FAM185A: variants seen among roughly 807,000 people sequenced by gnomAD.
The protein encoded by FAM185A is protein FAM185A.
FAM185A carries 21 observed loss-of-function variants against 45.7 expected under a neutral mutation model. The observed-to-expected ratio is 0.46, with a 90% confidence interval of 0.33 to 0.66. FAM185A has a LOEUF of 0.66. Among genes scored for constraint, FAM185A ranks in the 30% least tolerant of loss-of-function variants. FAM185A has a pLI of 0.03. For missense variants in FAM185A, 305 were observed against 485.4 expected (o/e 0.63, Z 3.49); for synonymous variants, 117 against 194.0 (o/e 0.60, Z 3.30).
chr7:102,826,334 T>A, the FAM185A span, among the ~76,000 whole-genome samples: 2 of 152,168 alleles, frequency 1.3e-5, no homozygotes, highest in African/African-American at 4.8e-5. Flanking sequence ...TCTAATGCAG[T>A]AAGAAATAAT....
the FAM185A span, chr7:102,833,098 C>A: frequency 7.1e-6 from 7 of 992,500 alleles, no homozygotes; most frequent in Middle Eastern, 6.0e-4. Context: ...TTGATGCCCC[C>A]AAAAAATAAT....
chr7:102,787,770 A>G (rs1265074428), intron 7 of FAM185A, among the ~76,000 whole-genome samples: 3 of 152,216 alleles, frequency 2.0e-5, no homozygotes, highest in Admixed American at 6.5e-5. Flanking sequence ...CTGAATACAT[A>G]TATTATAATG....
chr7:102,822,755 T>C, the FAM185A span, among the ~76,000 whole-genome samples: 1 of 152,226 alleles, frequency 6.6e-6, no homozygotes, highest in African/African-American at 2.4e-5. Flanking sequence ...CAGTAAAATA[T>C]CTGCCTCAAG....
At chr7:102,830,414 CTG>C in the FAM185A span, among the ~76,000 whole-genome samples, 1 of 152,210 alleles carries the variant, frequency 6.6e-6, no homozygotes, top group African/African-American at 2.4e-5. Flanking sequence ...GCAAGAATCT[CTG>C]TGAACTATCA....
At chr7:102,769,137 G>A (rs1794589886) in intron 4 of FAM185A, among the ~76,000 whole-genome samples, 1 of 152,038 alleles carries the variant, frequency 6.6e-6, no homozygotes, top group South Asian at 2.1e-4. Flanking sequence ...TTTATTTAGA[G>A]TTGACAAAAA....
At chr7:102,769,564 A>G (rs1208803731) in intron 4 of FAM185A, among the ~76,000 whole-genome samples, 1 of 150,992 alleles carries the variant, frequency 6.6e-6, no homozygotes, top group African/African-American at 2.4e-5. Context: ...ATAGTTCTTT[A>G]TTAATAAAGT....
chr7:102,780,594 G>A (rs1274044725), intron 6 of FAM185A, among the ~76,000 whole-genome samples: 1 of 152,174 alleles, frequency 6.6e-6, no homozygotes, highest in East Asian at 1.9e-4. Context: ...TTCTAGTTGT[G>A]TTATAATAAT....
chr7:102,834,039 A>AGGAG, the FAM185A span, among the ~76,000 whole-genome samples: 1 of 98,566 alleles, frequency 1.0e-5, no homozygotes, highest in Admixed American at 1.0e-4. Context: ...TGATGAAGGA[A>AGGAG]GGAAGGAAGG....
intron 7 of FAM185A, among the ~76,000 whole-genome samples, chr7:102,787,818 C>T (rs923076488): frequency 5.3e-5 from 8 of 152,138 alleles, no homozygotes; most frequent in African/African-American, 1.7e-4. Context: ...TGGAGTAAAT[C>T]GGAATTTTGT....
chr7:102,805,750 A>G (rs893525300), intron 7 of FAM185A, among the ~76,000 whole-genome samples: 1 of 152,186 alleles, frequency 6.6e-6, no homozygotes, highest in Non-Finnish European at 1.5e-5. Context: ...CAAAGTCATA[A>G]ATTGATACAT....
intron 6 of FAM185A, among the ~76,000 whole-genome samples, chr7:102,785,841 A>G (rs1248976171): frequency 6.6e-6 from 1 of 151,602 alleles, no homozygotes; most frequent in Non-Finnish European, 1.5e-5. Context: ...GGATCTAATT[A>G]AACTAAAGAG....
the FAM185A span, among the ~76,000 whole-genome samples, chr7:102,840,709 A>G: frequency 6.6e-6 from 1 of 152,200 alleles, no homozygotes; most frequent in African/African-American, 2.4e-5. Flanking sequence ...GATCTAATCA[A>G]GGGAGGCTAC....
chr7:102,834,098 G>GGA, the FAM185A span, among the ~76,000 whole-genome samples: 1,829 of 93,656 alleles, frequency 0.02, 70 homozygotes, highest in African/African-American at 0.053. Flanking sequence ...AAGAAAGAAA[G>GGA]AAAGAAAGAA....
intron 7 of FAM185A, among the ~76,000 whole-genome samples, chr7:102,800,229 T>C (rs907121362): frequency 2.0e-5 from 3 of 152,168 alleles, no homozygotes; most frequent in African/African-American, 4.8e-5. Flanking sequence ...GAACACCCCA[T>C]GGGACAAAAT....
At chr7:102,765,473 AT>A (rs2129434956) in intron 4 of FAM185A, among the ~76,000 whole-genome samples, 1 of 151,932 alleles carries the variant, frequency 6.6e-6, no homozygotes, top group South Asian at 2.1e-4. Flanking sequence ...TTTTGTCTGC[AT>A]TTTCAATATT....
the FAM185A span, among the ~76,000 whole-genome samples, chr7:102,815,114 A>T: frequency 6.6e-6 from 1 of 152,018 alleles, no homozygotes; most frequent in Non-Finnish European, 1.5e-5. Flanking sequence ...AGGCTCCATC[A>T]TTACCCTTCA....
chr7:102,811,896 T>C (rs2129444368), downstream of FAM185A, among the ~76,000 whole-genome samples: 1 of 152,348 alleles, frequency 6.6e-6, no homozygotes, highest in East Asian at 1.9e-4. Context: ...TCAAAAACTT[T>C]GCAAGTCAAC....
At chr7:102,816,796 T>C in the FAM185A span, among the ~76,000 whole-genome samples, 8 of 152,216 alleles carry the variant, frequency 5.3e-5, no homozygotes, top group African/African-American at 1.9e-4. Flanking sequence ...GTTCCCAGTG[T>C]TTATTGTTTC....
At chr7:102,812,221 C>A (rs1797474087), downstream of FAM185A, among the ~76,000 whole-genome samples, 1 of 152,244 alleles carries the variant, frequency 6.6e-6, no homozygotes, top group South Asian at 2.1e-4. Context: ...TAAAAACCCA[C>A]AGATGTGCTC....
Sources: allele counts gnomAD v4.1 joint callset (sites outside exome capture counted in the v4.1 genomes callset), GRCh38; gene constraint gnomAD v4.1.1; transcripts MANE v1.5; gene names NCBI Gene and HGNC (gene_info 2026-07-23, HGNC 2026-07-21).